Variants in DNAH11 observed in about 807,000 individuals in gnomAD.
DNAH11 encodes dynein axonemal heavy chain 11, also known as axonemal beta dynein heavy chain 11.
DNAH11 carries 442 observed loss-of-function variants against 526.0 expected under a neutral mutation model. The observed-to-expected ratio is 0.84, with a 90% confidence interval of 0.78 to 0.91. The LOEUF is 0.91. Ranked by LOEUF, DNAH11 falls within the 40% of genes least tolerant of loss-of-function variation. The probability of loss-of-function intolerance (pLI) is 0.00; values close to 1 mark genes in which losing one functional copy is unlikely to be tolerated. For missense variants in DNAH11, 6,989 were observed against 5,448.7 expected (o/e 1.28, Z -8.90); for synonymous variants, 2,461 against 1,935.9 (o/e 1.27, Z -7.12).
intron 6 of DNAH11, among the ~76,000 whole-genome samples, chr7:21,568,219 C>T (rs1783750274): frequency 6.6e-6 from 1 of 152,104 alleles, no homozygotes; most frequent in Non-Finnish European, 1.5e-5. Context: ...GTTTATAAGA[C>T]CTCTGAAGTG....
chr7:21,550,263 C>T lies in DNAH11; in HGVS notation c.495+5114C>T, dbSNP rs188485981. ...AGGGACCTTTCCAGCTTAGGTGGAG[C>T]TTGTCTTCTTTCCAAGTCTGGCTCA... On this transcript the variant is annotated intron_variant, in intron 2 of 81. Transcript: ENST00000409508. Among the ~76,000 whole-genome samples the T allele has an allele frequency of 4.1e-4, 62 of 152,168 alleles. 1 individual carries two copies. The highest frequency in any genetic ancestry group is 6.3e-4 in the Non-Finnish European group (43 of 68,008).
intron 55 of DNAH11, among the ~76,000 whole-genome samples, chr7:21,769,667 T>G (rs935404286): frequency 6.6e-6 from 1 of 152,048 alleles, no homozygotes; most frequent in Non-Finnish European, 1.5e-5. Context: ...GTACTTTTAG[T>G]AGAGACAGGG....
chr7:21,813,261 C>G (rs1161206504), intron 63 of DNAH11, among the ~76,000 whole-genome samples: 1 of 152,170 alleles, frequency 6.6e-6, no homozygotes, highest in African/African-American at 2.4e-5. Context: ...CCACTCATTG[C>G]TTTGACCCAG....
Position 21,725,855 on chromosome 7 carries a change from G to A in DNAH11, c.7311G>A (p.Glu2437=), listed in dbSNP as rs762639291. Reference sequence around the variant, plus strand: ...ACTTCAGTCGGTGGTGGCAGAAAGAGATGAAAGCAGTGAAATTTCCGTCGC... The same window carrying A: ...ACTTCAGTCGGTGGTGGCAGAAAGAAATGAAAGCAGTGAAATTTCCGTCGC... ...QADFSRWWQK[E]MKAVKFPSQG... is the part of the protein sequence containing the mutation. Residue 2437 remains glutamate (E), a synonymous_variant, in exon 45 of 82, where the codon GAG becomes GAA. Coordinates refer to ENST00000409508, the MANE Select transcript of DNAH11 (RefSeq NM_001277115.2). The A allele has an allele frequency of 1.3e-4, 207 of 1,611,742 alleles. No individual in the cohort carries two copies. The highest frequency in any genetic ancestry group is 1.7e-4 in the Non-Finnish European group (200 of 1,179,024).
At chr7:21,789,808 T>TTTTCTTTCTTTC (rs1554281335) in intron 61 of DNAH11, among the ~76,000 whole-genome samples, 731 of 34,110 alleles carry the variant, frequency 0.021, 19 homozygotes, top group East Asian at 0.064. Context: ...TTTCTTTCTT[T>TTTTCTTTCTTTC]TTTCTTTCTT....
At chr7:21,856,341 A>G (rs1782848233) in intron 68 of DNAH11, among the ~76,000 whole-genome samples, 1 of 152,218 alleles carries the variant, frequency 6.6e-6, no homozygotes, top group Non-Finnish European at 1.5e-5. Context: ...ATGGGCAATA[A>G]TAAAGAGGAA....
intron 18 of DNAH11, among the ~76,000 whole-genome samples, chr7:21,605,839 T>C (rs191286244): frequency 1.3e-5 from 2 of 152,222 alleles, no homozygotes; most frequent in Non-Finnish European, 2.9e-5. Context: ...GATTTGTGTT[T>C]ATTTTAAAAA....
chr7:21,772,159 T>G (rs1787463434), intron 55 of DNAH11, among the ~76,000 whole-genome samples: 1 of 152,186 alleles, frequency 6.6e-6, no homozygotes, highest in African/African-American at 2.4e-5. Context: ...TTGTTAAGCC[T>G]GATAACAATA....
intron 8 of DNAH11, among the ~76,000 whole-genome samples, chr7:21,576,369 G>T (rs1784094306): frequency 6.6e-6 from 1 of 152,130 alleles, no homozygotes; most frequent in South Asian, 2.1e-4. Context: ...GCACCAAGTT[G>T]GTTTAAGGGA....
rs575147933 is a variant in DNAH11 at position 21,876,941 on chromosome 7, A to C, written c.12195+3440A>C. On this transcript the variant is annotated intron_variant, in intron 74 of 81. Transcript: ENST00000409508. ...TATGCCCAGCTAAAAATTAGCAAGA[A>C]GACATTTTAAGGAAGGCAATCAGCA... Among the ~76,000 whole-genome samples the C allele has an allele frequency of 4.6e-5, 7 of 152,368 alleles. No individual in the cohort carries two copies. The South Asian group carries it at 1.5e-3, about 32-fold the overall frequency.
At chr7:21,573,748 A>G (rs1783981889) in intron 8 of DNAH11, among the ~76,000 whole-genome samples, 2 of 151,884 alleles carry the variant, frequency 1.3e-5, no homozygotes, top group African/African-American at 4.8e-5. Flanking sequence ...TTCCCCTCCC[A>G]TTGCATTCAC....
At chr7:21,795,149 C>T (rs1362847106) in intron 61 of DNAH11, among the ~76,000 whole-genome samples, 1 of 152,194 alleles carries the variant, frequency 6.6e-6, no homozygotes, top group African/African-American at 2.4e-5. Flanking sequence ...TTTTGCACAA[C>T]GATTCTTAGG....
intron 75 of DNAH11, among the ~76,000 whole-genome samples, chr7:21,882,721 C>T (rs1403016704): frequency 6.6e-6 from 1 of 152,134 alleles, no homozygotes; most frequent in African/African-American, 2.4e-5. Flanking sequence ...CGCTTGAACC[C>T]TGGAAGTGGA....
Position 21,637,332 on chromosome 7 carries a change from T to C in DNAH11, c.4726-279T>C, listed in dbSNP as rs184794696. Among the ~76,000 whole-genome samples the C allele has an allele frequency of 6.4e-4, 97 of 152,234 alleles. No homozygotes were observed. The East Asian group carries it at 0.016, about 25-fold the overall frequency. ...TTGTCTCCTTTTGCCTTTATTCTTT[T>C]TCGTTTGATTTAGAAGAGAAAAATT... On this transcript the variant is annotated intron_variant, in intron 26 of 81. Transcript: ENST00000409508.
At chr7:21,784,726 C>A (rs572394821) in intron 58 of DNAH11, among the ~76,000 whole-genome samples, 186 bp downstream of exon 58, 2 of 152,282 alleles carry the variant, frequency 1.3e-5, no homozygotes, top group Non-Finnish European at 2.9e-5. Context: ...AACTTCTTTT[C>A]CCCATCCAGG....
Position 21,843,483 on chromosome 7 carries a change from T to G in DNAH11, c.10896+735T>G, listed in dbSNP as rs1358382025. On this transcript the variant is annotated intron_variant, in intron 66 of 81. Coordinates refer to ENST00000409508, the MANE Select transcript of DNAH11 (RefSeq NM_001277115.2). The stretch of plus-strand genomic sequence containing the variant: ...GAATGCTATGCTCAGGTTTTTTTTG[T>G]TTTTTTTTTTTTTTTGAGACAGAGT... Among the ~76,000 whole-genome samples the G allele has an allele frequency of 1.2e-3, 109 of 93,170 alleles. No homozygotes were observed. In the African/African-American group the frequency reaches 0.012, roughly 10 times the overall value. The allele number at this position is 93,170 out of a possible 152,430, so 61.1% of individuals were successfully genotyped here.
intron 45 of DNAH11, among the ~76,000 whole-genome samples, chr7:21,727,707 G>A (rs946518250): frequency 7.2e-5 from 11 of 152,162 alleles, no homozygotes; most frequent in Admixed American, 6.5e-4. Context: ...GGTGATTTCT[G>A]TGGCATTTAT....
chr7:21,811,833 C>T (rs1789535413), intron 63 of DNAH11, among the ~76,000 whole-genome samples: 1 of 152,114 alleles, frequency 6.6e-6, no homozygotes, highest in East Asian at 1.9e-4. Context: ...GAGATGTAGA[C>T]AATCATAATC....
chr7:21,772,241 C>G (rs572070309), intron 55 of DNAH11, among the ~76,000 whole-genome samples: 2 of 152,176 alleles, frequency 1.3e-5, no homozygotes, highest in Non-Finnish European at 2.9e-5. Context: ...TCTTCCATCC[C>G]CGATTTACAA....
Sources: allele counts gnomAD v4.1 joint callset (sites outside exome capture counted in the v4.1 genomes callset), GRCh38; gene constraint gnomAD v4.1.1; transcripts MANE v1.5; gene names NCBI Gene and HGNC (gene_info 2026-07-23, HGNC 2026-07-21).